RCC1L: variants seen among roughly 807,000 people sequenced by gnomAD.
RCC1L encodes RCC1-like G exchanging factor-like protein.
A neutral mutation model predicts 58.6 loss-of-function variants in RCC1L; 46 were observed. That is an observed-to-expected ratio of 0.79 (90% CI 0.62 to 1.00). The LOEUF is 1.00. RCC1L is among the 50% of genes least tolerant of loss of function. RCC1L has a pLI of 0.00. For synonymous variants in RCC1L, 281 were observed against 262.9 expected, an observed-to-expected ratio of 1.07 and a Z score of -0.67; for missense variants, 636 against 623.6, an observed-to-expected ratio of 1.02 and a Z score of -0.21.
chr7:75,057,717 AT>A, intron 7 of RCC1L, 101 bp from the exon 8 acceptor site: 1 of 998,740 alleles, frequency 1.0e-6, no homozygotes, highest in Middle Eastern at 2.1e-4. Flanking sequence ...TAGTTCATTC[AT>A]TCACTCCACA....
In RCC1L at chr7:75,031,681, G is replaced by A. The variant is rs929311933; in HGVS notation, c.1318-3602C>T. Among the ~76,000 whole-genome samples the A allele has an allele frequency of 2.8e-3, 428 of 152,154 alleles. 2 individuals are homozygous for A. The highest frequency in any genetic ancestry group is 3.2e-3 in the Non-Finnish European group (218 of 68,002). ...AATTTGAGGAAGGGCCCCCAGAGCC[G>A]GAGGGGTTGTATTAGTTACCTGGTG... On this transcript the variant is annotated intron_variant, in intron 10 of 10. Transcript: ENST00000614461.
chr7:75,042,381 C>G lies in RCC1L; in HGVS notation c.*651G>C. The G allele has an allele frequency of 1.0e-6, 1 of 985,944 alleles. No individual in the cohort carries two copies. The highest frequency in any genetic ancestry group is 1.2e-6 in the Non-Finnish European group (1 of 830,308). The allele number at this position is 985,944 out of a possible 1,614,324, so 61.1% of individuals were successfully genotyped here. Reference sequence around the variant, plus strand: ...CGCAGAGGAACTTGGCCTCGATTCTCTTCCTGAGGGGCTTCTTAACTTTTC... The same window carrying G: ...CGCAGAGGAACTTGGCCTCGATTCTGTTCCTGAGGGGCTTCTTAACTTTTC... On this transcript the variant is annotated 3_prime_UTR_variant, in exon 11 of 11. Transcript: ENST00000610322.
Position 75,058,661 on chromosome 7 carries a change from GACA to G in RCC1L, c.893_895del (p.Val298_Ser299delinsAla). ...CCAACCAAAAAGTCCTCCGTCGGCG[GACA>G]CGGCCAGGCAGCAATCACCGTAGGT... On this transcript the variant is annotated inframe_deletion, in exon 7 of 11. Coordinates refer to ENST00000610322, the MANE Select transcript of RCC1L (RefSeq NM_030798.5). 1 of 1,613,930 alleles carries G rather than the reference GACA, an allele frequency of 6.2e-7. No homozygotes were observed. Among genetic ancestry groups the G allele is most frequent in the Non-Finnish European group, 8.5e-7 (1 of 1,179,852 alleles).
At chr7:75,040,556 A>G (rs1444453124), downstream of RCC1L, among the ~76,000 whole-genome samples, 2 of 152,040 alleles carry the variant, frequency 1.3e-5, no homozygotes, top group Admixed American at 6.6e-5. Flanking sequence ...GAGACCCTCC[A>G]TCCCCCATCC....
At chr7:75,027,277 G>A (rs878930732) in exon 11 of RCC1L, 13,639 of 152,542 alleles carry the variant, frequency 0.089, 774 homozygotes, top group Middle Eastern at 0.26. Flanking sequence ...GCTGTGGCGT[G>A]GGTCATGCCT....
chr7:75,068,563 G>A lies in RCC1L; in HGVS notation c.455-1771C>T, dbSNP rs762889341. On this transcript the variant is annotated intron_variant, in intron 2 of 10. Coordinates refer to ENST00000610322, the MANE Select transcript of RCC1L (RefSeq NM_030798.5). ...TAGCCAGGTGTGATGGCGGGCGCCTGTAGTACCAGCTACTCAGGAGGCCGA... is the reference window on the plus strand; with the variant it reads ...TAGCCAGGTGTGATGGCGGGCGCCTATAGTACCAGCTACTCAGGAGGCCGA... Among the ~76,000 whole-genome samples, 243 of 151,652 alleles carry A rather than the reference G, an allele frequency of 1.6e-3. 1 individual carries two copies. The highest frequency in any genetic ancestry group is 5.3e-4 in the Non-Finnish European group (36 of 67,934).
chr7:75,073,475 G>A lies in RCC1L; in HGVS notation c.263C>T (p.Ala88Val). 8 of 1,382,174 alleles carry A rather than the reference G, an allele frequency of 5.8e-6. No homozygotes were observed. The highest frequency in any genetic ancestry group is 6.5e-6 in the Non-Finnish European group (7 of 1,073,570). The allele number at this position is 1,382,174 out of a possible 1,614,324, so 85.6% of individuals were successfully genotyped here. The change falls in exon 1 of 11, where the codon GCC (alanine) becomes GTC (valine). Residue 88 changes from alanine to valine, a missense_variant. Coordinates refer to ENST00000610322, the MANE Select transcript of RCC1L (RefSeq NM_030798.5). ...VVPSSGPGPRAGARPRRRIQP... is the reference protein window; with the variant it reads ...VVPSSGPGPRVGARPRRRIQP... ...GATCCTGCGGCGCGGTCGGGCGCCG[G>A]CGCGGGGCCCGGGCCCGGAGCTGGG...
Position 75,057,993 on chromosome 7 carries a change from A to G in RCC1L, c.970-377T>C, listed in dbSNP as rs1018501858. The G allele has an allele frequency of 7.8e-3, 2,484 of 318,896 alleles. 59 individuals carry two copies. The highest frequency in any genetic ancestry group is 0.051 in the African/African-American group (2,248 of 44,320). 19.8% of individuals were successfully genotyped at this position (318,896 alleles called of 1,614,324 possible). On this transcript the variant is annotated intron_variant, in intron 7 of 10. Transcript: ENST00000610322. ...GCCAACATGGTGAAACCCTGTCTCTATTAAAAATACAAAAGTTAGCTGGGC... is the reference window on the plus strand; with the variant it reads ...GCCAACATGGTGAAACCCTGTCTCTGTTAAAAATACAAAAGTTAGCTGGGC...
At chr7:75,063,441 C>T in intron 4 of RCC1L, 98 bp from the exon 5 acceptor site, 1 of 1,222,940 alleles carries the variant, frequency 8.2e-7, no homozygotes, top group Non-Finnish European at 1.2e-6. Context: ...CCCGTCCCCT[C>T]CGCTCACACA....
intron 3 of RCC1L, among the ~76,000 whole-genome samples, chr7:75,065,845 C>T (rs939995038): frequency 6.6e-6 from 1 of 151,724 alleles, no homozygotes; most frequent in Non-Finnish European, 1.5e-5. Context: ...TGGTGAAACC[C>T]CGTCTCTACA....
chr7:75,073,371 CG>C, intron 1 of RCC1L, 42 bp downstream of exon 1: 1 of 918,410 alleles, frequency 1.1e-6, no homozygotes. Flanking sequence ...GCCGGGAGCG[CG>C]GAAGAGAGAG....
rs1291093836 is a variant in RCC1L at position 75,058,678 on chromosome 7, A to G, written c.879T>C (p.Asp293=). 6.2e-7 allele frequency: 1 copy of G among 1,613,844 alleles called. No individual in the cohort carries two copies. Among genetic ancestry groups the G allele is most frequent in the Non-Finnish European group, 8.5e-7 (1 of 1,179,844 alleles). ...CGTCGGCGGACACGGCCAGGCAGCA[A>G]TCACCGTAGGTGGCAACTTGGATAA... ...VNVIQVATYG[D]CCLAVSADGG... The change falls in exon 7 of 11, where the codon GAT becomes GAC. Residue 293 remains aspartate, a synonymous_variant. Transcript: ENST00000610322.
intron 10 of RCC1L, among the ~76,000 whole-genome samples, chr7:75,034,883 A>C (rs1805403458): frequency 6.6e-6 from 1 of 151,928 alleles, no homozygotes; most frequent in Admixed American, 6.6e-5. Context: ...TGAACTCCTG[A>C]GCTCAAGTGA....
intron 4 of RCC1L, among the ~76,000 whole-genome samples, chr7:75,064,158 C>T (rs1364046035): frequency 2.0e-5 from 3 of 151,938 alleles, no homozygotes; most frequent in South Asian, 2.1e-4. Context: ...GGTGAAACCC[C>T]CTCTCTACTA....
chr7:75,047,191 C>T (rs1563072948), intron 10 of RCC1L, among the ~76,000 whole-genome samples: 2 of 152,274 alleles, frequency 1.3e-5, no homozygotes, highest in East Asian at 3.9e-4. Flanking sequence ...CTCCTGACCT[C>T]GTGATCCGCC....
At chr7:75,032,887 C>T (rs1465043294) in intron 10 of RCC1L, among the ~76,000 whole-genome samples, 1 of 151,786 alleles carries the variant, frequency 6.6e-6, no homozygotes, top group East Asian at 1.9e-4. Context: ...CCCTGGTCAA[C>T]ATAGTGTAAC....
chr7:75,061,367 G>A (rs1268076764), intron 5 of RCC1L, 76 bp from the exon 6 acceptor site: 9 of 1,310,694 alleles, frequency 6.9e-6, no homozygotes, highest in Non-Finnish European at 8.8e-6. Context: ...AGAAGGACCA[G>A]CACCATCGCC....
chr7:75,063,349 G>A lies in RCC1L; in HGVS notation c.651-6C>T. The A allele has an allele frequency of 6.2e-7, 1 of 1,613,782 alleles. No individual in the cohort carries two copies. Among genetic ancestry groups the A allele is most frequent in the Non-Finnish European group, 8.5e-7 (1 of 1,179,834 alleles). On this transcript the variant is annotated splice_polypyrimidine_tract_variant and splice_region_variant and intron_variant, in intron 4 of 10. Coordinates refer to ENST00000610322, the MANE Select transcript of RCC1L (RefSeq NM_030798.5). ...TGTGGACTCTGTGACTTTCACTACA[G>A]CCAGGAACAAATTGGGAAGAAGCAA...
At chr7:75,050,077 G>A (rs1376397611) in intron 10 of RCC1L, among the ~76,000 whole-genome samples, 6 of 152,092 alleles carry the variant, frequency 3.9e-5, no homozygotes, top group African/African-American at 1.4e-4. Flanking sequence ...CGCCGTCACG[G>A]GGACAGGCTG....
Sources: gnomAD v4.1 joint callset for allele counts (sites outside exome capture counted in the v4.1 genomes callset) on GRCh38, gnomAD v4.1.1 for gene constraint, MANE v1.5 for transcripts, NCBI Gene and HGNC (gene_info 2026-07-23, HGNC 2026-07-21) for gene names.